Variants in GALNT13 observed in about 807,000 individuals in gnomAD.
GALNT13 encodes UDP-GalNAc:polypeptide N-acetylgalactosaminyltransferase 13.
Under a neutral mutation model 64.2 loss-of-function variants are expected in GALNT13, and 28 were observed. The observed-to-expected ratio is 0.44, with a 90% confidence interval of 0.32 to 0.60. The LOEUF (loss-of-function observed/expected upper bound fraction) is 0.60, where lower values mean the gene tolerates loss of function less well. Ranked by LOEUF, GALNT13 falls within the 20% of genes least tolerant of loss-of-function variation. The pLI, the probability that GALNT13 is intolerant of heterozygous loss-of-function variation, is 0.05. For synonymous variants in GALNT13, 214 were observed against 224.6 expected (o/e 0.95, Z 0.42); for missense variants, 577 against 669.8 (o/e 0.86, Z 1.53).
chr2:153,197,799 G>A, the GALNT13 span, among the ~76,000 whole-genome samples: 187 of 152,308 alleles, frequency 1.2e-3, no homozygotes, highest in Middle Eastern at 3.4e-3. Context: ...TAGGTACCAC[G>A]TGCTTCGGTC....
the GALNT13 span, among the ~76,000 whole-genome samples, chr2:153,282,138 G>A: frequency 6.6e-6 from 1 of 151,450 alleles, no homozygotes; most frequent in Non-Finnish European, 1.5e-5. Flanking sequence ...TTCTGACTGG[G>A]TTTAAAATTC....
the GALNT13 span, among the ~76,000 whole-genome samples, chr2:153,362,341 T>TA: frequency 1.3e-5 from 2 of 152,004 alleles, no homozygotes; most frequent in African/African-American, 4.8e-5. Context: ...AATAACCAGC[T>TA]AGCATCATGA....
the GALNT13 span, chr2:153,478,541 T>A: frequency 6.2e-7 from 1 of 1,602,670 alleles, no homozygotes; most frequent in South Asian, 1.1e-5. Flanking sequence ...GCCACGTCCG[T>A]CTGGTTGCCT....
At chr2:154,067,506 G>A (rs756121198) in intron 3 of GALNT13, among the ~76,000 whole-genome samples, 8 of 150,672 alleles carry the variant, frequency 5.3e-5, no homozygotes, top group African/African-American at 9.7e-5. Context: ...TCAGACAAAG[G>A]AGATTTCAAG....
chr2:153,949,715 T>C (rs1194386223), intron 3 of GALNT13, among the ~76,000 whole-genome samples: 1 of 152,002 alleles, frequency 6.6e-6, no homozygotes, highest in Non-Finnish European at 1.5e-5. Context: ...TTTAGTGTAA[T>C]TAAGGCTATA....
intron 3 of GALNT13, among the ~76,000 whole-genome samples, chr2:154,084,076 T>C (rs1701410637): frequency 6.6e-6 from 1 of 151,906 alleles, no homozygotes; most frequent in Non-Finnish European, 1.5e-5. Context: ...TCTCAATTTT[T>C]ACTGGAGAAG....
chr2:154,006,148 A>G (rs768218755), intron 3 of GALNT13, among the ~76,000 whole-genome samples: 13 of 152,206 alleles, frequency 8.5e-5, no homozygotes, highest in Non-Finnish European at 1.8e-4. Flanking sequence ...TTACATTAGA[A>G]TAATCCTGTG....
At chr2:154,049,841 C>A (rs943276742) in intron 3 of GALNT13, among the ~76,000 whole-genome samples, 1 of 151,928 alleles carries the variant, frequency 6.6e-6, no homozygotes, top group Non-Finnish European at 1.5e-5. Context: ...AATGCCATGT[C>A]TTACAGTTTT....
At chr2:154,254,951 G>T (rs917230064) in intron 7 of GALNT13, among the ~76,000 whole-genome samples, 4 of 151,914 alleles carry the variant, frequency 2.6e-5, no homozygotes, top group Non-Finnish European at 5.9e-5. Flanking sequence ...GATGAGAGAA[G>T]AAATTATTAA....
chr2:153,708,129 AT>A, the GALNT13 span, among the ~76,000 whole-genome samples: 1 of 152,108 alleles, frequency 6.6e-6, no homozygotes, highest in Non-Finnish European at 1.5e-5. Context: ...TGTATTCTAT[AT>A]AGGGCCCACC....
the GALNT13 span, among the ~76,000 whole-genome samples, chr2:153,574,170 G>A: frequency 4.1e-5 from 6 of 146,248 alleles, no homozygotes; most frequent in Non-Finnish European, 7.5e-5. Context: ...AATATGTCAT[G>A]TCATTCTCTC....
At chr2:154,033,911 C>T (rs910100619) in intron 3 of GALNT13, among the ~76,000 whole-genome samples, 4 of 152,090 alleles carry the variant, frequency 2.6e-5, no homozygotes, top group Non-Finnish European at 4.4e-5. Context: ...TGCACTCCAG[C>T]TCTGGCGACA....
the GALNT13 span, among the ~76,000 whole-genome samples, chr2:153,776,374 G>A: frequency 6.6e-6 from 1 of 152,188 alleles, no homozygotes; most frequent in African/African-American, 2.4e-5. Flanking sequence ...AGCTTTGAGA[G>A]GCTATAAAAT....
At chr2:153,773,517 A>C in the GALNT13 span, among the ~76,000 whole-genome samples, 5 of 152,202 alleles carry the variant, frequency 3.3e-5, no homozygotes, top group African/African-American at 1.2e-4. Context: ...CTCTATGTGG[A>C]ATAGAATATA....
the GALNT13 span, among the ~76,000 whole-genome samples, chr2:153,239,198 C>A: frequency 6.6e-6 from 1 of 152,054 alleles, no homozygotes. Context: ...TGTATTGCAA[C>A]TTTACTGAAT....
the GALNT13 span, among the ~76,000 whole-genome samples, chr2:153,751,386 A>G: frequency 6.7e-6 from 1 of 148,744 alleles, no homozygotes; most frequent in Non-Finnish European, 1.5e-5. Context: ...TCTTTTTCTG[A>G]TGTTCTGTTT....
chr2:154,180,878 C>G (rs1685924536), intron 4 of GALNT13, among the ~76,000 whole-genome samples: 1 of 152,020 alleles, frequency 6.6e-6, no homozygotes, highest in South Asian at 2.1e-4. Context: ...ATAGTTGACC[C>G]TTGAACAACA....
the GALNT13 span, among the ~76,000 whole-genome samples, chr2:153,606,486 T>A: frequency 6.6e-6 from 1 of 152,030 alleles, no homozygotes; most frequent in Non-Finnish European, 1.5e-5. Context: ...AATTATGAAT[T>A]TTTTTGTGAT....
intron 3 of GALNT13, among the ~76,000 whole-genome samples, chr2:154,055,663 G>A (rs1485659143): frequency 2.6e-5 from 4 of 152,038 alleles, no homozygotes; most frequent in Non-Finnish European, 4.4e-5. Context: ...GTAGAGCCAA[G>A]GAGGTTCACT....
Sources: gnomAD v4.1 joint callset for allele counts (sites outside exome capture counted in the v4.1 genomes callset) on GRCh38, gnomAD v4.1.1 for gene constraint, MANE v1.5 for transcripts, NCBI Gene and HGNC (gene_info 2026-07-23, HGNC 2026-07-21) for gene names.